HMCN1: variants seen among roughly 807,000 people sequenced by gnomAD.
HMCN1 encodes hemicentin 1, also known as hemicentin-1.
In HMCN1, 321 loss-of-function variants were observed where a neutral mutation model predicts 625.9. The ratio of observed to expected loss-of-function variants is 0.51; its 90% confidence interval spans 0.47 to 0.56. The LOEUF (loss-of-function observed/expected upper bound fraction) is 0.56. Among genes scored for constraint, HMCN1 ranks in the 20% least tolerant of loss-of-function variants. HMCN1 has a pLI of 0.00. For synonymous variants in HMCN1, 2,425 were observed against 2,417.6 expected (o/e 1.00, Z -0.09); for missense variants, 6,588 against 6,887.3 (o/e 0.96, Z 1.54).
chr1:186,095,212 C>A, intron 67 of HMCN1, 31 bp from the exon 68 acceptor site: 1 of 1,610,664 alleles, frequency 6.2e-7, no homozygotes. Context: ...CAATAGACAT[C>A]CAAATTTTGC....
Position 185,814,852 on chromosome 1 carries a change from C to T in HMCN1, c.269-31174C>T, listed in dbSNP as rs562538682. Reference sequence around the variant, plus strand: ...GACTACAGGCACACATCACCATGCCCGGCTAATTTTTGTATTTTTAGTAGA... The same window carrying T: ...GACTACAGGCACACATCACCATGCCTGGCTAATTTTTGTATTTTTAGTAGA... On this transcript the variant is annotated intron_variant, in intron 1 of 106. Transcript: ENST00000271588. 1.9e-3 allele frequency among the ~76,000 whole-genome samples: 289 copies of T among 149,352 alleles called. 2 individuals carry two copies. The highest frequency in any genetic ancestry group is 6.8e-3 in the Middle Eastern group (2 of 294).
chr1:185,924,213 A>ATTTTTTTTT (rs1558068693), intron 8 of HMCN1, among the ~76,000 whole-genome samples: 1 of 77,624 alleles, frequency 1.3e-5, no homozygotes, highest in African/African-American at 5.1e-5. Context: ...CTCTGACCCA[A>ATTTTTTTTT]TCTTTTTTTT....
intron 1 of HMCN1, among the ~76,000 whole-genome samples, chr1:185,774,222 A>G (rs1474921850): frequency 6.6e-6 from 1 of 152,140 alleles, no homozygotes; most frequent in African/African-American, 2.4e-5. Context: ...AGGGGAAACA[A>G]GACTTTGTGG....
chr1:186,141,889 A>G (rs956417705), intron 89 of HMCN1, among the ~76,000 whole-genome samples: 3 of 152,228 alleles, frequency 2.0e-5, no homozygotes, highest in African/African-American at 7.2e-5. Context: ...ACCCATTCCT[A>G]GCATTGTGCT....
chr1:186,125,262 G>A (rs775282043), intron 81 of HMCN1, among the ~76,000 whole-genome samples: 3 of 151,722 alleles, frequency 2.0e-5, no homozygotes, highest in Non-Finnish European at 4.4e-5. Flanking sequence ...TCGTTTTGTT[G>A]TTGGTTTGTT....
intron 36 of HMCN1, among the ~76,000 whole-genome samples, chr1:186,031,403 TG>T (rs1413689496): frequency 6.6e-5 from 10 of 152,066 alleles, no homozygotes; most frequent in African/African-American, 2.4e-4. Context: ...TGAGGATCTT[TG>T]TACATAAGTC....
Position 185,865,732 on chromosome 1 carries a change from T to TA in HMCN1, c.499-7dup. On this transcript the variant is annotated splice_polypyrimidine_tract_variant and intron_variant, in intron 3 of 106. Coordinates refer to ENST00000271588, the MANE Select transcript of HMCN1 (RefSeq NM_031935.3). ...TTTACACTGTTTCTTTTTTTTTTTT[T>TA]AATCATAGGTCGTATTTGTTCTGAC... The TA allele has an allele frequency of 1.3e-6, 2 of 1,597,798 alleles. No homozygotes were observed. The highest frequency in any genetic ancestry group is 8.6e-7 in the Non-Finnish European group (1 of 1,168,702).
In HMCN1 at chr1:186,178,388, TC is replaced by T. The variant is rs751150647; in HGVS notation, c.15944-27del. 29 of 1,520,810 alleles carry T rather than the reference TC, an allele frequency of 1.9e-5. No individual in the cohort carries two copies. The South Asian group carries it at 2.9e-4, about 15-fold the overall frequency. The allele number at this position is 1,520,810 out of a possible 1,614,324, so 94.2% of individuals were successfully genotyped here. ...GTGTGTATGTATGTGTCTTTTTTTTTCTTTTTTATATCATGGCATACGAGCA... is the reference window on the plus strand; with the variant it reads ...GTGTGTATGTATGTGTCTTTTTTTTTTTTTTTATATCATGGCATACGAGCA... On this transcript the variant is annotated intron_variant, in intron 103 of 106. Transcript: ENST00000271588.
At chr1:185,872,354 C>T (rs917396901) in intron 4 of HMCN1, among the ~76,000 whole-genome samples, 1 of 152,064 alleles carries the variant, frequency 6.6e-6, no homozygotes, top group Non-Finnish European at 1.5e-5. Context: ...TTCCAGGCAC[C>T]TGGGAGTGCT....
At chr1:185,940,797 C>T (rs1184805992) in intron 11 of HMCN1, among the ~76,000 whole-genome samples, 1 of 151,742 alleles carries the variant, frequency 6.6e-6, no homozygotes, top group Non-Finnish European at 1.5e-5. Flanking sequence ...AAGTCTCGGT[C>T]TTGTTGCCCA....
intron 4 of HMCN1, among the ~76,000 whole-genome samples, chr1:185,899,615 A>G (rs991553987): frequency 4.6e-5 from 7 of 152,122 alleles, no homozygotes; most frequent in Non-Finnish European, 7.4e-5. Context: ...TTTGGAGAAC[A>G]TTTATGTTCT....
In HMCN1 at chr1:186,151,591, C is replaced by A; in HGVS notation, c.14759-15C>A. The stretch of plus-strand genomic sequence containing the variant: ...AAATTTTGCTATCACCTTATTTATC[C>A]TTTTTTTTCTTTAGGTTCAGCAATG... On this transcript the variant is annotated splice_polypyrimidine_tract_variant and intron_variant, in intron 94 of 106. Transcript: ENST00000271588. 5 of 1,606,758 alleles carry A rather than the reference C, an allele frequency of 3.1e-6. No homozygotes were observed. The highest frequency in any genetic ancestry group is 2.2e-5 in the East Asian group (1 of 44,756).
chr1:185,740,311 A>G (rs1410279438), intron 1 of HMCN1, among the ~76,000 whole-genome samples: 1 of 152,228 alleles, frequency 6.6e-6, no homozygotes, highest in Non-Finnish European at 1.5e-5. Context: ...TGTATAATTC[A>G]GACAAAAGAA....
At chr1:185,946,986 AC>A (rs1465375861) in intron 11 of HMCN1, among the ~76,000 whole-genome samples, 2 of 152,116 alleles carry the variant, frequency 1.3e-5, no homozygotes, top group African/African-American at 4.8e-5. Flanking sequence ...TATCCCTGAA[AC>A]TGTTGCTCTT....
intron 42 of HMCN1, 71 bp from the exon 43 acceptor site, chr1:186,052,881 T>C (rs1305726820): frequency 4.5e-5 from 59 of 1,299,638 alleles, no homozygotes; most frequent in Non-Finnish European, 5.8e-5. Flanking sequence ...AAGCCTTTTA[T>C]CTTACATGTA....
At chr1:186,110,587 G>A (rs905256376) in intron 71 of HMCN1, among the ~76,000 whole-genome samples, 5 of 152,188 alleles carry the variant, frequency 3.3e-5, no homozygotes, top group African/African-American at 9.6e-5. Flanking sequence ...GAAGTTAATC[G>A]AAGAAGAGGA....
intron 2 of HMCN1, among the ~76,000 whole-genome samples, chr1:185,857,167 A>G (rs576024768): frequency 4.5e-4 from 69 of 152,268 alleles, no homozygotes; most frequent in African/African-American, 1.6e-3. Flanking sequence ...TTTTAAAAAT[A>G]TTTTTTATTC....
intron 8 of HMCN1, 26 bp from the exon 9 acceptor site, chr1:185,925,015 TTTTTTG>T (rs1558069328): frequency 1.3e-6 from 2 of 1,562,336 alleles, no homozygotes; most frequent in Non-Finnish European, 1.7e-6. Flanking sequence ...CTTGCTTAAG[TTTTTTG>T]TTTTTGTTTT....
intron 1 of HMCN1, among the ~76,000 whole-genome samples, chr1:185,783,259 C>T (rs762395421): frequency 6.6e-6 from 1 of 152,158 alleles, no homozygotes; most frequent in Admixed American, 6.5e-5. Context: ...AATCTTTTAT[C>T]AAGGTTTTTA....
Sources: gnomAD v4.1 joint callset for allele counts (sites outside exome capture counted in the v4.1 genomes callset) on GRCh38, gnomAD v4.1.1 for gene constraint, MANE v1.5 for transcripts, NCBI Gene and HGNC (gene_info 2026-07-23, HGNC 2026-07-21) for gene names.